The following RPS6KC1 variants were observed in gnomAD, a reference collection of about 807,000 sequenced individuals.
RPS6KC1 encodes inactive ribosomal protein S6 kinase delta-1.
Under a neutral mutation model 103.8 loss-of-function variants are expected in RPS6KC1, and 54 were observed. That is an observed-to-expected ratio of 0.52 (90% CI 0.42 to 0.65). RPS6KC1 has a LOEUF of 0.65. RPS6KC1 is among the 30% of genes least tolerant of loss of function. The pLI is 0.00. For missense variants in RPS6KC1, 1,151 were observed against 1,253.8 expected (o/e 0.92, Z 1.24); for synonymous variants, 439 against 438.7 (o/e 1.00, Z -0.01).
the RPS6KC1 span, among the ~76,000 whole-genome samples, chr1:213,701,369 A>G: frequency 6.6e-6 from 1 of 152,082 alleles, no homozygotes; most frequent in Admixed American, 6.5e-5. Context: ...TGATTTGCAT[A>G]TGATGAACCA....
chr1:213,132,012 G>A (rs983842663), intron 6 of RPS6KC1, among the ~76,000 whole-genome samples: 1 of 152,128 alleles, frequency 6.6e-6, no homozygotes, highest in African/African-American at 2.4e-5. Context: ...ATTTCATAAT[G>A]TTACCACTTG....
chr1:213,332,131 C>T, the RPS6KC1 span, among the ~76,000 whole-genome samples: 3 of 151,898 alleles, frequency 2.0e-5, no homozygotes, highest in African/African-American at 7.3e-5. Context: ...GTTTCAGATG[C>T]ATAACTTGGG....
intron 6 of RPS6KC1, among the ~76,000 whole-genome samples, chr1:213,145,030 G>A (rs1373943957): frequency 2.0e-5 from 3 of 152,068 alleles, no homozygotes; most frequent in African/African-American, 4.8e-5. Context: ...AGCTGAGATC[G>A]CGCCACTGCG....
the RPS6KC1 span, among the ~76,000 whole-genome samples, chr1:213,541,121 G>A: frequency 6.6e-6 from 1 of 151,862 alleles, no homozygotes; most frequent in Non-Finnish European, 1.5e-5. Context: ...TCCTGTTACT[G>A]TTGCTATCCT....
At chr1:213,072,907 C>T in intron 2 of RPS6KC1, 1 of 980,772 alleles carries the variant, frequency 1.0e-6, no homozygotes, top group Non-Finnish European at 1.2e-6. Flanking sequence ...AACATACTCT[C>T]TGCCATTTTC....
chr1:213,808,750 G>A, the RPS6KC1 span, among the ~76,000 whole-genome samples: 18 of 152,318 alleles, frequency 1.2e-4, no homozygotes, highest in South Asian at 2.1e-4. Flanking sequence ...GCAATGCCTC[G>A]CCTTGCTTCG....
At chr1:213,520,391 G>GA in the RPS6KC1 span, among the ~76,000 whole-genome samples, 5 of 152,070 alleles carry the variant, frequency 3.3e-5, no homozygotes, top group African/African-American at 1.2e-4. Context: ...ACAGTATGAG[G>GA]AAAACCACCC....
chr1:213,138,862 A>G (rs2086687877), intron 6 of RPS6KC1, among the ~76,000 whole-genome samples: 1 of 152,192 alleles, frequency 6.6e-6, no homozygotes, highest in Non-Finnish European at 1.5e-5. Context: ...ATCTTTGAGC[A>G]TATACCCAGT....
At chr1:213,385,475 G>A in the RPS6KC1 span, among the ~76,000 whole-genome samples, 8 of 152,174 alleles carry the variant, frequency 5.3e-5, no homozygotes, top group Non-Finnish European at 5.9e-5. Context: ...TGCCTTCAAT[G>A]GAGATTTGAT....
chr1:213,483,546 G>A, the RPS6KC1 span, among the ~76,000 whole-genome samples: 4 of 152,234 alleles, frequency 2.6e-5, no homozygotes, highest in South Asian at 6.2e-4. Context: ...AACTTTGTAA[G>A]ACACTGCCAA....
chr1:213,779,517 C>T, the RPS6KC1 span, among the ~76,000 whole-genome samples: 1 of 152,214 alleles, frequency 6.6e-6, no homozygotes, highest in Admixed American at 6.6e-5. Context: ...GTGACTTCAC[C>T]TTTCCGAGAT....
the RPS6KC1 span, among the ~76,000 whole-genome samples, chr1:213,831,528 T>G: frequency 1.3e-5 from 2 of 152,366 alleles, no homozygotes; most frequent in South Asian, 4.1e-4. Flanking sequence ...TGTCTGGAAC[T>G]ATAAGACAAT....
At chr1:213,244,752 T>C (rs2094427256) in intron 12 of RPS6KC1, among the ~76,000 whole-genome samples, 1 of 152,208 alleles carries the variant, frequency 6.6e-6, no homozygotes, top group South Asian at 2.1e-4. Flanking sequence ...TCCCAGAAAT[T>C]ACAATTCTCT....
chr1:213,271,763 C>CAA lies in RPS6KC1; in HGVS notation c.3091-742_3091-741dup, dbSNP rs58938920. ...TGGGCGACAGAGCGAAACTCCGTCTCAAAAAAAAAAAAAAAAAAAATGTTC... is the reference window on the plus strand; with the variant it reads ...TGGGCGACAGAGCGAAACTCCGTCTCAAAAAAAAAAAAAAAAAAAAAATGTTC... On this transcript the variant is annotated intron_variant, in intron 14 of 14. Transcript: ENST00000366960. Among the ~76,000 whole-genome samples the CAA allele has an allele frequency of 7.3e-3, 829 of 113,660 alleles. 19 individuals are homozygous for CAA. The highest frequency in any genetic ancestry group is 8.1e-3 in the Non-Finnish European group (469 of 58,170). 74.6% of individuals were successfully genotyped at this position (113,660 alleles called of 152,430 possible).
intron 13 of RPS6KC1, among the ~76,000 whole-genome samples, chr1:213,262,489 C>T (rs1038713770): frequency 4.6e-5 from 7 of 152,208 alleles, no homozygotes; most frequent in Admixed American, 1.3e-4. Context: ...CTAAGGACGA[C>T]GGGACAGTAG....
the RPS6KC1 span, among the ~76,000 whole-genome samples, chr1:213,372,777 T>G: frequency 2.0e-5 from 3 of 152,204 alleles, no homozygotes; most frequent in Non-Finnish European, 4.4e-5. Context: ...TCTTTTTTTT[T>G]AAGTTTCCTT....
At chr1:213,625,684 GT>G in the RPS6KC1 span, among the ~76,000 whole-genome samples, 1 of 152,104 alleles carries the variant, frequency 6.6e-6, no homozygotes, top group Non-Finnish European at 1.5e-5. Flanking sequence ...GCGGTGTTTG[GT>G]TTTTTGTCCT....
At chr1:213,360,739 G>A in the RPS6KC1 span, among the ~76,000 whole-genome samples, 1 of 152,184 alleles carries the variant, frequency 6.6e-6, no homozygotes, top group South Asian at 2.1e-4. Flanking sequence ...GGGTTTTGGT[G>A]TCGATGTCCT....
At chr1:213,380,959 C>A in the RPS6KC1 span, among the ~76,000 whole-genome samples, 1 of 152,328 alleles carries the variant, frequency 6.6e-6, no homozygotes, top group Admixed American at 6.5e-5. Flanking sequence ...AGCAAGGCGC[C>A]TGGATCCACC....
Sources: gnomAD v4.1 joint callset for allele counts (sites outside exome capture counted in the v4.1 genomes callset) on GRCh38, gnomAD v4.1.1 for gene constraint, MANE v1.5 for transcripts, NCBI Gene and HGNC (gene_info 2026-07-23, HGNC 2026-07-21) for gene names.